The following PDE5A variants were observed in gnomAD, a reference collection of about 807,000 sequenced individuals.
PDE5A encodes the protein cGMP-specific 3',5'-cyclic phosphodiesterase.
In PDE5A, 67 loss-of-function variants were observed where a neutral mutation model predicts 110.2. The observed-to-expected ratio is 0.61, with a 90% CI of 0.50 to 0.75. The LOEUF is 0.75. PDE5A is among the 30% of genes least tolerant of loss of function. The probability of loss-of-function intolerance (pLI) is 0.00; values close to 1 mark genes in which losing one functional copy is unlikely to be tolerated. For synonymous variants in PDE5A, 328 were observed against 351.2 expected, an observed-to-expected ratio of 0.93 and a Z score of 0.74; for missense variants, 862 against 1,045.1, an observed-to-expected ratio of 0.82 and a Z score of 2.42.
At chr4:119,535,361 C>T (rs1014250829) in intron 11 of PDE5A, among the ~76,000 whole-genome samples, 8 of 152,032 alleles carry the variant, frequency 5.3e-5, no homozygotes, top group East Asian at 1.9e-4. Context: ...AATCCTTTTC[C>T]GAAGCTTTTG....
chr4:119,521,326 A>T (rs1726121001), intron 12 of PDE5A, among the ~76,000 whole-genome samples: 1 of 151,560 alleles, frequency 6.6e-6, no homozygotes, highest in African/African-American at 2.4e-5. Context: ...AAAACACAAG[A>T]CATCCCTAAG....
chr4:119,544,883 T>C (rs1218677456), intron 9 of PDE5A, among the ~76,000 whole-genome samples: 1 of 152,192 alleles, frequency 6.6e-6, no homozygotes, highest in Non-Finnish European at 1.5e-5. Context: ...GTCCTTTAAA[T>C]GGAATGTTAT....
chr4:119,552,883 A>G (rs1727406321), intron 8 of PDE5A, among the ~76,000 whole-genome samples: 1 of 149,512 alleles, frequency 6.7e-6, no homozygotes, highest in African/African-American at 2.5e-5. Context: ...CAGCTTAATA[A>G]TAAGTAAAAT....
chr4:119,526,921 T>C (rs570196455), intron 11 of PDE5A: 10 of 152,070 alleles, frequency 6.6e-5, no homozygotes, highest in South Asian at 2.1e-4. Context: ...TGGGCCGAAA[T>C]AGGGGAAGAA....
chr4:119,579,296 C>T (rs1728501404), intron 3 of PDE5A, among the ~76,000 whole-genome samples: 1 of 152,174 alleles, frequency 6.6e-6, no homozygotes, highest in Non-Finnish European at 1.5e-5. Context: ...CCTCAGGAAT[C>T]TAGAACTAGA....
intron 13 of PDE5A, chr4:119,519,490 T>G: frequency 5.6e-6 from 1 of 178,272 alleles, no homozygotes. Flanking sequence ...TCCCTGCAGA[T>G]TCTGTTCACT....
intron 1 of PDE5A, among the ~76,000 whole-genome samples, chr4:119,622,218 C>G (rs1459016974): frequency 1.3e-5 from 2 of 151,702 alleles, no homozygotes; most frequent in Non-Finnish European, 2.9e-5. Context: ...ATGATCCCTA[C>G]TAACTCTAAA....
At position 119,628,761 on chromosome 4, in the gene PDE5A, A is replaced by G; in HGVS notation, c.-90T>C. ...CTCAGAAGAACAGGACTCGGCCTCGAGACCCTCCCCCTTCGTCCTGCTCCA... is the reference window on the plus strand; with the variant it reads ...CTCAGAAGAACAGGACTCGGCCTCGGGACCCTCCCCCTTCGTCCTGCTCCA... On this transcript the variant is annotated 5_prime_UTR_variant, in exon 1 of 21. Transcript: ENST00000354960. 6.5e-7 allele frequency: 1 copy of G among 1,539,600 alleles called. No homozygotes were observed. The highest frequency in any genetic ancestry group is 2.4e-5 in the East Asian group (1 of 42,324).
Position 119,607,249 on chromosome 4 carries a change from C to T in PDE5A, c.201G>A (p.Val67=). The T allele has an allele frequency of 6.2e-7, 1 of 1,613,500 alleles. No homozygotes were observed. ...WFAERVHTIP[V]CKEGIRGHTE... ...TGTGGCCTCTGATACCTTCCTTGCA[C>T]ACAGGGATGGTGTGAACTCTCTCAG... Residue 67 remains valine, a synonymous_variant, in exon 2 of 21, where the codon GTG becomes GTA. Transcript: ENST00000354960.
Position 119,525,755 on chromosome 4 carries a change from A to C in PDE5A, c.1633-60T>G. On this transcript the variant is annotated intron_variant, in intron 11 of 20. Transcript: ENST00000354960. This position sits in a 1 kb window ranked among gnomAD's most constrained non-coding sequence, Gnocchi z 4.3. ...TTAATTAAAGCAGCAGTGATTTGCA[A>C]GGTTTTCTTGTTTTGCTGCAGAGAA... The C allele has an allele frequency of 6.5e-7, 1 of 1,528,224 alleles. No homozygotes were observed. Among genetic ancestry groups the C allele is most frequent in the Non-Finnish European group, 8.9e-7 (1 of 1,126,546 alleles). The allele number at this position is 1,528,224 out of a possible 1,614,324, so 94.7% of individuals were successfully genotyped here.
intron 20 of PDE5A, among the ~76,000 whole-genome samples, chr4:119,499,239 A>G (rs1278267758): frequency 6.6e-6 from 1 of 152,156 alleles, no homozygotes; most frequent in Non-Finnish European, 1.5e-5. Flanking sequence ...CAGAATGTTC[A>G]TTTCAGATTT....
At chr4:119,518,975 CT>C (rs1726014164) in intron 14 of PDE5A, 69 bp downstream of exon 14, 1 of 1,090,192 alleles carries the variant, frequency 9.2e-7, no homozygotes, top group Non-Finnish European at 1.4e-6. Context: ...TTTGCTGTGG[CT>C]TTAACTTAAA....
chr4:119,578,589 A>G (rs1378742422), intron 3 of PDE5A, among the ~76,000 whole-genome samples: 2 of 152,240 alleles, frequency 1.3e-5, no homozygotes, highest in African/African-American at 2.4e-5. Context: ...CAATGGGGAA[A>G]TGATCCCCTA....
intron 6 of PDE5A, among the ~76,000 whole-genome samples, chr4:119,561,224 GA>G (rs11356355): frequency 0.3 from 45,041 of 149,858 alleles, 6,705 homozygotes; most frequent in East Asian, 0.38. Context: ...GAAGAAAACA[GA>G]AAAAAAAAAT....
At chr4:119,597,371 G>A (rs557448493) in intron 2 of PDE5A, among the ~76,000 whole-genome samples, 193 of 150,742 alleles carry the variant, frequency 1.3e-3, no homozygotes, top group African/African-American at 4.0e-3. Flanking sequence ...AAAAGCATGC[G>A]TTAAATCAAT....
At position 119,497,222 on chromosome 4, in the gene PDE5A, CCTT is replaced by C. The variant is rs1279577145; in HGVS notation, c.*1376_*1378del. On this transcript the variant is annotated 3_prime_UTR_variant, in exon 21 of 21. Transcript: ENST00000354960. ...AAGTTAACAAATCAAGCAAATCTCT[CCTT>C]CTACTCTCCCCAAATCCAAACATTC... 1 of 152,020 alleles carries C rather than the reference CCTT, an allele frequency of 6.6e-6. No individual in the cohort carries two copies. The highest frequency in any genetic ancestry group is 1.5e-5 in the Non-Finnish European group (1 of 67,962). The allele number at this position is 152,020 out of a possible 1,614,324, so 9.4% of individuals were successfully genotyped here. A position where few individuals can be genotyped will look rare whatever the true frequency, so the allele number is the denominator to read the frequency against.
At chr4:119,523,010 G>A (rs771650830) in intron 12 of PDE5A, among the ~76,000 whole-genome samples, 3 of 151,816 alleles carry the variant, frequency 2.0e-5, no homozygotes, top group African/African-American at 7.3e-5. Flanking sequence ...AATCAGTAGT[G>A]AAAAATAACA....
At chr4:119,544,010 T>TA (rs1169073179) in intron 9 of PDE5A, among the ~76,000 whole-genome samples, 2 of 152,124 alleles carry the variant, frequency 1.3e-5, no homozygotes, top group Non-Finnish European at 2.9e-5. Context: ...TAGTAGGAAC[T>TA]AAAAAAATGT....
chr4:119,571,464 T>C (rs1445122481), intron 3 of PDE5A, among the ~76,000 whole-genome samples: 2 of 152,126 alleles, frequency 1.3e-5, no homozygotes, highest in African/African-American at 4.8e-5. Flanking sequence ...TCTGCAGATT[T>C]TGAAGACAGA....
Sources: gnomAD v4.1 joint callset for allele counts (sites outside exome capture counted in the v4.1 genomes callset) on GRCh38, gnomAD v4.1.1 for gene constraint, Gnocchi (gnomAD v3.1) non-coding constraint, MANE v1.5 for transcripts, NCBI Gene and HGNC (gene_info 2026-07-23, HGNC 2026-07-21) for gene names.